Variants in XKR6 observed in about 807,000 individuals in gnomAD.
XKR6 encodes the protein XK-related protein 6.
Under a neutral mutation model 56.7 loss-of-function variants are expected in XKR6, and 22 were observed. That is an observed-to-expected ratio of 0.39 (90% confidence interval 0.28 to 0.55). The LOEUF (loss-of-function observed/expected upper bound fraction) is 0.55, where lower values mean the gene tolerates loss of function less well. XKR6 is among the 20% of genes least tolerant of loss of function. XKR6 has a pLI of 0.66. For synonymous variants in XKR6, 524 were observed against 387.8 expected (o/e 1.35, Z -4.13); for missense variants, 852 against 889.0 (o/e 0.96, Z 0.53).
At chr8:11,014,736 G>A (rs551018900) in intron 1 of XKR6, among the ~76,000 whole-genome samples, 31 of 152,274 alleles carry the variant, frequency 2.0e-4, no homozygotes, top group Middle Eastern at 3.4e-3. Flanking sequence ...ATAAGACCCA[G>A]AAGACCGTGA....
chr8:11,185,396 A>G (rs1803218904), intron 1 of XKR6, among the ~76,000 whole-genome samples: 1 of 152,232 alleles, frequency 6.6e-6, no homozygotes, highest in Non-Finnish European at 1.5e-5. Context: ...CAATTAGCCT[A>G]TGGGAAAACT....
intron 2 of XKR6, among the ~76,000 whole-genome samples, chr8:10,911,598 T>A (rs1197662294): frequency 1.4e-5 from 2 of 139,938 alleles, no homozygotes; most frequent in Non-Finnish European, 1.5e-5. Context: ...AGAGAGAGGG[T>A]GAGATTGCAC....
intron 1 of XKR6, among the ~76,000 whole-genome samples, chr8:11,103,731 CCAGT>C (rs1798573439): frequency 6.6e-6 from 1 of 152,126 alleles, no homozygotes; most frequent in East Asian, 1.9e-4. Flanking sequence ...GTCAAGGTAC[CCAGT>C]CAAAAACTTG....
rs745997950 is a variant in XKR6, at chr8:10,924,621, G to A, written c.961+13C>T. On this transcript the variant is annotated intron_variant, in intron 2 of 2. Transcript: ENST00000416569. ...CAGGCCGGGGTGGCGGGGCGCGGCCGGCGGGCACTCACAGGGCAGGGTCTC... is the reference window on the plus strand; with the variant it reads ...CAGGCCGGGGTGGCGGGGCGCGGCCAGCGGGCACTCACAGGGCAGGGTCTC... 5.6e-5 allele frequency: 90 copies of A among 1,593,824 alleles called. 1 individual carries two copies. In the Admixed American group the frequency reaches 8.1e-4, roughly 14 times the overall value.
At position 11,147,092 on chromosome 8, in the gene XKR6, TTAATAA is replaced by T. The variant is rs578255580; in HGVS notation, c.764+53478_764+53483del. On this transcript the variant is annotated intron_variant, in intron 1 of 2. Transcript: ENST00000416569. Reference sequence around the variant, plus strand: ...CATGTTAGGTGTTCTTACCACAAAATTAATAATAATAATAATAATAAATAAATAAAG... The same window carrying T: ...CATGTTAGGTGTTCTTACCACAAAATTAATAATAATAATAAATAAATAAAG... Among the ~76,000 whole-genome samples, 28 of 151,220 alleles carry T rather than the reference TTAATAA, an allele frequency of 1.9e-4. No individual in the cohort carries two copies. In the South Asian group the frequency reaches 5.2e-3, roughly 28 times the overall value.
At chr8:10,983,989 G>A (rs1277046871) in intron 1 of XKR6, among the ~76,000 whole-genome samples, 1 of 151,972 alleles carries the variant, frequency 6.6e-6, no homozygotes, top group African/African-American at 2.4e-5. Context: ...GCATCACATT[G>A]ACATCAAACT....
chr8:10,955,762 G>A (rs1327957126), intron 1 of XKR6, among the ~76,000 whole-genome samples: 1 of 152,192 alleles, frequency 6.6e-6, no homozygotes, highest in African/African-American at 2.4e-5. Flanking sequence ...TAGAGAAGAA[G>A]TTGGTGTGTA....
intron 1 of XKR6, among the ~76,000 whole-genome samples, chr8:11,099,421 C>T (rs1003787607): frequency 6.6e-6 from 1 of 152,220 alleles, no homozygotes; most frequent in Non-Finnish European, 1.5e-5. Context: ...GAATTTTAGG[C>T]TCTGGCTTCA....
chr8:10,974,872 G>A (rs1334402525), intron 1 of XKR6, among the ~76,000 whole-genome samples: 1 of 152,206 alleles, frequency 6.6e-6, no homozygotes, highest in Non-Finnish European at 1.5e-5. Flanking sequence ...AGGTGAAAAG[G>A]TTCTGTAGAC....
At chr8:10,951,959 T>A (rs1025045272) in intron 1 of XKR6, among the ~76,000 whole-genome samples, 9 of 152,242 alleles carry the variant, frequency 5.9e-5, no homozygotes, top group African/African-American at 2.2e-4. Context: ...GCCAGCCCCC[T>A]GCCCTCCTCT....
chr8:11,107,170 G>C (rs1049034164), intron 1 of XKR6, among the ~76,000 whole-genome samples: 7 of 151,338 alleles, frequency 4.6e-5, no homozygotes, highest in African/African-American at 1.7e-4. Flanking sequence ...GCAAAGAAAA[G>C]CAACACGGAT....
chr8:11,190,620 T>C (rs1028629651), intron 1 of XKR6, among the ~76,000 whole-genome samples: 5 of 152,222 alleles, frequency 3.3e-5, no homozygotes, highest in Non-Finnish European at 7.3e-5. Context: ...CAGAGTTTAA[T>C]ATTAACACAT....
intron 1 of XKR6, among the ~76,000 whole-genome samples, chr8:11,118,496 G>A (rs1193419603): frequency 6.6e-6 from 1 of 152,108 alleles, no homozygotes; most frequent in Non-Finnish European, 1.5e-5. Flanking sequence ...GCCTGTTATT[G>A]GTCTATTCAG....
intron 1 of XKR6, among the ~76,000 whole-genome samples, chr8:11,122,334 C>G (rs1554464910): frequency 6.6e-6 from 1 of 152,240 alleles, no homozygotes; most frequent in Non-Finnish European, 1.5e-5. Flanking sequence ...GTCCATTTTA[C>G]TTTACAGATC....
At chr8:11,021,756 T>G (rs60039934) in intron 1 of XKR6, among the ~76,000 whole-genome samples, 12,312 of 152,192 alleles carry the variant, frequency 0.081, 1,553 homozygotes, top group African/African-American at 0.27. Context: ...TCCTGCTTCA[T>G]TCAACTATGC....
intron 1 of XKR6, among the ~76,000 whole-genome samples, chr8:11,080,564 G>T (rs75399630): frequency 6.7e-6 from 1 of 148,628 alleles, no homozygotes; most frequent in Admixed American, 6.8e-5. Flanking sequence ...TCTGTCCCCA[G>T]TTCATCATCA....
intron 1 of XKR6, among the ~76,000 whole-genome samples, chr8:11,098,882 G>C (rs1357731863): frequency 6.6e-6 from 1 of 151,966 alleles, no homozygotes; most frequent in Non-Finnish European, 1.5e-5. Context: ...TTTGCATCTT[G>C]GAAACTTCTG....
At chr8:11,120,660 T>G (rs1799408718) in intron 1 of XKR6, among the ~76,000 whole-genome samples, 1 of 152,118 alleles carries the variant, frequency 6.6e-6, no homozygotes. Flanking sequence ...TACCAATGAC[T>G]TTCTTCACAG....
chr8:11,093,081 G>T (rs879393221), intron 1 of XKR6, among the ~76,000 whole-genome samples: 4 of 151,628 alleles, frequency 2.6e-5, no homozygotes, highest in Non-Finnish European at 2.9e-5. Context: ...TTTAGACGGA[G>T]TTTCACTCTT....
Sources: gnomAD v4.1 joint callset for allele counts (sites outside exome capture counted in the v4.1 genomes callset) on GRCh38, gnomAD v4.1.1 for gene constraint, MANE v1.5 for transcripts, NCBI Gene and HGNC (gene_info 2026-07-23, HGNC 2026-07-21) for gene names.